The following MSI2 variants were observed in gnomAD, a reference collection of about 807,000 sequenced individuals.
MSI2 encodes RNA-binding protein Musashi homolog 2.
MSI2 carries 17 observed loss-of-function variants against 45.6 expected under a neutral mutation model. That is an observed-to-expected ratio of 0.37 (90% CI 0.26 to 0.56). The LOEUF is 0.56. MSI2 is among the 20% of genes least tolerant of loss of function. The probability of loss-of-function intolerance (pLI) is 0.77; values close to 1 mark genes in which losing one functional copy is unlikely to be tolerated. For missense variants in MSI2, 293 were observed against 444.2 expected (o/e 0.66, Z 3.06); for synonymous variants, 156 against 158.2 (o/e 0.99, Z 0.11).
At chr17:57,500,642 G>A (rs1478567837) in intron 6 of MSI2, among the ~76,000 whole-genome samples, 2 of 151,738 alleles carry the variant, frequency 1.3e-5, no homozygotes, top group African/African-American at 4.8e-5. Context: ...TGAAGGTCAG[G>A]GCACTCAATG....
chr17:57,533,392 G>A (rs1442634907), intron 7 of MSI2, among the ~76,000 whole-genome samples: 4 of 152,236 alleles, frequency 2.6e-5, no homozygotes, highest in African/African-American at 9.6e-5. Flanking sequence ...TTGCAGATGG[G>A]CCTTCCTCCA....
At chr17:57,541,151 T>TAGAGAGAG (rs55999583) in intron 7 of MSI2, among the ~76,000 whole-genome samples, 139 of 149,014 alleles carry the variant, frequency 9.3e-4, no homozygotes, top group Middle Eastern at 3.4e-3. Context: ...TACATTTTGG[T>TAGAGAGAG]AGAGAGAGAG....
intron 11 of MSI2, among the ~76,000 whole-genome samples, chr17:57,661,133 A>T (rs1258805097): frequency 6.6e-6 from 1 of 152,156 alleles, no homozygotes; most frequent in African/African-American, 2.4e-5. Flanking sequence ...AAGACGATTA[A>T]CTCTGGACTC....
At chr17:57,574,834 T>A (rs1316600851) in intron 7 of MSI2, among the ~76,000 whole-genome samples, 1 of 148,202 alleles carries the variant, frequency 6.7e-6, no homozygotes, top group Non-Finnish European at 1.5e-5. Flanking sequence ...CTCTCTTTTT[T>A]TTTTTTTTTT....
intron 7 of MSI2, among the ~76,000 whole-genome samples, chr17:57,592,210 T>G (rs1013016725): frequency 6.6e-6 from 1 of 151,834 alleles, no homozygotes; most frequent in Non-Finnish European, 1.5e-5. Flanking sequence ...AATTTTATGT[T>G]ACGTATATTT....
intron 6 of MSI2, among the ~76,000 whole-genome samples, chr17:57,460,065 G>A (rs928793314): frequency 3.3e-5 from 5 of 151,746 alleles, no homozygotes; most frequent in Admixed American, 6.6e-5. Flanking sequence ...GGGGGTGGAG[G>A]TTGCAGTGAG....
At chr17:57,341,074 G>A (rs547388690) in intron 5 of MSI2, among the ~76,000 whole-genome samples, 15 of 152,212 alleles carry the variant, frequency 9.9e-5, no homozygotes, top group Non-Finnish European at 2.1e-4. Flanking sequence ...GAGAGCTGCT[G>A]CACCTTTCCC....
chr17:57,382,566 A>G (rs2083615460), intron 5 of MSI2, among the ~76,000 whole-genome samples: 1 of 152,206 alleles, frequency 6.6e-6, no homozygotes, highest in Non-Finnish European at 1.5e-5. Context: ...TAGAGGGTAG[A>G]CAGAACAGGA....
chr17:57,539,361 A>T (rs930487323), intron 7 of MSI2, among the ~76,000 whole-genome samples: 1 of 151,914 alleles, frequency 6.6e-6, no homozygotes, highest in African/African-American at 2.4e-5. Flanking sequence ...TTGTCAATGC[A>T]GTGATAGAAC....
chr17:57,271,334 G>A (rs1426418370), intron 5 of MSI2, among the ~76,000 whole-genome samples: 1 of 152,150 alleles, frequency 6.6e-6, no homozygotes, highest in African/African-American at 2.4e-5. Flanking sequence ...AATAAATAGG[G>A]TTTTGTGTGC....
chr17:57,548,445 C>G (rs571605280), intron 7 of MSI2, among the ~76,000 whole-genome samples: 6 of 152,138 alleles, frequency 3.9e-5, no homozygotes, highest in African/African-American at 1.4e-4. Context: ...AAAGATCTGC[C>G]AAAGAAGAAA....
chr17:57,589,767 G>C (rs1392497234), intron 7 of MSI2, among the ~76,000 whole-genome samples: 1 of 152,168 alleles, frequency 6.6e-6, no homozygotes, highest in Non-Finnish European at 1.5e-5. Context: ...GTAACTTGGG[G>C]TACCACTCCT....
intron 5 of MSI2, among the ~76,000 whole-genome samples, chr17:57,362,848 G>T (rs1042354223): frequency 3.3e-5 from 5 of 152,182 alleles, no homozygotes; most frequent in African/African-American, 1.2e-4. Flanking sequence ...CCAAGTGCAT[G>T]AATTATGATT....
chr17:57,409,431 A>G (rs1328694288), intron 6 of MSI2, among the ~76,000 whole-genome samples: 1 of 152,162 alleles, frequency 6.6e-6, no homozygotes, highest in African/African-American at 2.4e-5. Context: ...GGACCAGGAA[A>G]ACTTTGCATA....
rs571590249 is a variant in MSI2, at chr17:57,634,423, G to C, written c.727+7120G>C. 4.3e-4 allele frequency among the ~76,000 whole-genome samples: 65 copies of C among 152,102 alleles called. No homozygotes were observed. The South Asian group carries it at 0.011, about 25-fold the overall frequency. On this transcript the variant is annotated intron_variant, in intron 10 of 13. Transcript: ENST00000284073. ...GGAGGTTGCAGTGAGCTGAGATCAC[G>C]CGGTTGCACTCCAGCCTGGGTGACA...
intron 6 of MSI2, among the ~76,000 whole-genome samples, chr17:57,465,346 T>C (rs1258545315): frequency 6.6e-6 from 1 of 151,774 alleles, no homozygotes; most frequent in Middle Eastern, 3.4e-3. Flanking sequence ...GAGATGAGAG[T>C]CAGCTCACAT....
At chr17:57,518,819 C>T (rs2143990884) in intron 6 of MSI2, among the ~76,000 whole-genome samples, 1 of 152,350 alleles carries the variant, frequency 6.6e-6, no homozygotes, top group East Asian at 1.9e-4. Context: ...TTCCAGAGCA[C>T]AGCAGCCGCC....
At chr17:57,390,082 A>C (rs1021009812) in intron 5 of MSI2, among the ~76,000 whole-genome samples, 8 of 151,510 alleles carry the variant, frequency 5.3e-5, no homozygotes, top group African/African-American at 1.7e-4. Context: ...TACCAAAAAA[A>C]AAAAAAAAGA....
Position 57,438,644 on chromosome 17 carries a change from A to T in MSI2, c.405+37173A>T, listed in dbSNP as rs148727746. On this transcript the variant is annotated intron_variant, in intron 6 of 13. Transcript: ENST00000284073. ...CACAGTTCAGTTAAGAAAATAAAAC[A>T]CTCCCTCTAAGGAATTTTTAAAAAT... Among the ~76,000 whole-genome samples the T allele has an allele frequency of 4.6e-5, 7 of 151,728 alleles. No homozygotes were observed. In the East Asian group the frequency reaches 1.4e-3, roughly 29 times the overall value.
Sources: gnomAD v4.1 joint callset for allele counts (sites outside exome capture counted in the v4.1 genomes callset) on GRCh38, gnomAD v4.1.1 for gene constraint, MANE v1.5 for transcripts, NCBI Gene and HGNC (gene_info 2026-07-23, HGNC 2026-07-21) for gene names.